GLTP: variants seen among roughly 807,000 people sequenced by gnomAD.
The protein encoded by GLTP is glycolipid transfer protein.
GLTP carries 22 observed loss-of-function variants against 24.0 expected under a neutral mutation model. That is an observed-to-expected ratio of 0.92 (90% CI 0.65 to 1.31). The LOEUF (loss-of-function observed/expected upper bound fraction) is 1.31. Among genes scored for constraint, GLTP ranks in the 50% most tolerant of loss-of-function variants. The pLI is 0.00. For missense variants in GLTP, 224 were observed against 276.6 expected, an observed-to-expected ratio of 0.81 and a Z score of 1.35; for synonymous variants, 92 against 115.9, an observed-to-expected ratio of 0.79 and a Z score of 1.33.
intron 1 of GLTP, among the ~76,000 whole-genome samples, chr12:109,866,871 C>G (rs1034747127): frequency 2.6e-5 from 4 of 151,208 alleles, no homozygotes; most frequent in South Asian, 2.1e-4. Flanking sequence ...GCAATCCTCC[C>G]ACCTCAGCCT....
rs1892807576 is a variant in GLTP at position 109,857,143 on chromosome 12, T to A, written c.296+383A>T. On this transcript the variant is annotated intron_variant, in intron 3 of 4. Transcript: ENST00000318348. The surrounding 1 kb of genome is among the most constrained non-coding windows in gnomAD (Gnocchi z 4.3). ...TGACCAGCCCTAAACAGGACACCTT[T>A]GTGCAGTACGCAACCTGCATAACTG... Among the ~76,000 whole-genome samples the A allele has an allele frequency of 6.6e-6, 1 of 152,234 alleles. No homozygotes were observed. The highest frequency in any genetic ancestry group is 6.5e-5 in the Admixed American group (1 of 15,282).
chr12:109,869,958 T>G (rs966956189), intron 1 of GLTP, among the ~76,000 whole-genome samples: 1 of 151,638 alleles, frequency 6.6e-6, no homozygotes. Context: ...GGTTTCACCA[T>G]ATCTCGAACT....
At chr12:109,854,098 C>T (rs760424331) in intron 4 of GLTP, among the ~76,000 whole-genome samples, 199 of 151,374 alleles carry the variant, frequency 1.3e-3, no homozygotes, top group Non-Finnish European at 2.2e-3. Flanking sequence ...TGGCTCACGC[C>T]TGTAATCCCA....
At chr12:109,874,579 T>C (rs1868826119) in intron 1 of GLTP, among the ~76,000 whole-genome samples, 1 of 151,962 alleles carries the variant, frequency 6.6e-6, no homozygotes, top group Non-Finnish European at 1.5e-5. Flanking sequence ...TGAGAGCAAA[T>C]AGGTATCATC....
At chr12:109,858,612 T>A in intron 2 of GLTP, 71 bp downstream of exon 2, 1 of 1,098,886 alleles carries the variant, frequency 9.1e-7, no homozygotes, top group Admixed American at 1.7e-5. Flanking sequence ...GGGACCATGA[T>A]GCTGGTAACC....
At position 109,857,559 on chromosome 12, in the gene GLTP, A is replaced by C; in HGVS notation, c.263T>G (p.Val88Gly). ...KEMYGAEWPKVGATLALMWLK... is the reference protein window; with the variant it reads ...KEMYGAEWPKGGATLALMWLK... Reference sequence around the variant, plus strand: ...CCACATCAGCGCCAGTGTGGCCCCTACTTTGGGCCACTCTGCTCCATACAT... The same window carrying C: ...CCACATCAGCGCCAGTGTGGCCCCTCCTTTGGGCCACTCTGCTCCATACAT... Residue 88 changes from valine to glycine, a missense_variant, in exon 3 of 5, where the codon GTA becomes GGA. Val to Gly is a moderately radical substitution (Grantham distance 109). Coordinates refer to ENST00000318348, the MANE Select transcript of GLTP (RefSeq NM_016433.4). This position sits in a 1 kb window ranked among gnomAD's most constrained non-coding sequence, Gnocchi z 4.3. The C allele has an allele frequency of 6.2e-7, 1 of 1,613,780 alleles. No homozygotes were observed. Among genetic ancestry groups the C allele is most frequent in the Non-Finnish European group, 8.5e-7 (1 of 1,180,002 alleles).
intron 1 of GLTP, among the ~76,000 whole-genome samples, chr12:109,864,885 G>A (rs1309134541): frequency 6.6e-6 from 1 of 151,956 alleles, no homozygotes; most frequent in African/African-American, 2.4e-5. Flanking sequence ...GTCTCACTCC[G>A]TTGCCCAGGC....
chr12:109,860,003 C>CGAA (rs57177275), intron 1 of GLTP: 3 of 151,230 alleles, frequency 2.0e-5, no homozygotes, highest in African/African-American at 7.3e-5. Context: ...TTCCCCGAGA[C>CGAA]TTTTTGCTCC....
At chr12:109,860,543 T>G (rs1032507986) in intron 1 of GLTP, 1 of 150,822 alleles carries the variant, frequency 6.6e-6, no homozygotes, top group Non-Finnish European at 1.5e-5. Flanking sequence ...AGTGGCAAGA[T>G]CACAGCTCAC....
chr12:109,876,519 AGG>A (rs1868884384), intron 1 of GLTP, among the ~76,000 whole-genome samples: 1 of 147,944 alleles, frequency 6.8e-6, no homozygotes, highest in Admixed American at 6.8e-5. Flanking sequence ...AGAAAGAAAG[AGG>A]GAGGGAGGGA....
At chr12:109,870,651 G>A (rs1868691954) in intron 1 of GLTP, among the ~76,000 whole-genome samples, 1 of 152,114 alleles carries the variant, frequency 6.6e-6, no homozygotes, top group Non-Finnish European at 1.5e-5. Context: ...AAGGAAGGGA[G>A]GAGGGAGAAA....
intron 1 of GLTP, among the ~76,000 whole-genome samples, chr12:109,870,669 A>G (rs1415432948): frequency 2.0e-5 from 3 of 152,178 alleles, no homozygotes; most frequent in Non-Finnish European, 4.4e-5. Context: ...AAAAAGAATT[A>G]TTGACTCATT....
At chr12:109,860,733 A>T (rs1339013401) in intron 1 of GLTP, among the ~76,000 whole-genome samples, 1 of 152,196 alleles carries the variant, frequency 6.6e-6, no homozygotes, top group African/African-American at 2.4e-5. Context: ...AGATGATAAA[A>T]TGTAGACCTG....
At position 109,855,181 on chromosome 12, in the gene GLTP, A is replaced by G. The variant is rs535049667; in HGVS notation, c.447+438T>C. ...CCCTGGCCAATGTCACCCCAACACAAGCCACCAAGAACCCAGAGGGCCGGT... is the reference window on the plus strand; with the variant it reads ...CCCTGGCCAATGTCACCCCAACACAGGCCACCAAGAACCCAGAGGGCCGGT... On this transcript the variant is annotated intron_variant, in intron 4 of 4. Transcript: ENST00000318348. The surrounding 1 kb of genome is among the most constrained non-coding windows in gnomAD (Gnocchi z 4.1). Among the ~76,000 whole-genome samples the G allele has an allele frequency of 3.3e-5, 5 of 152,268 alleles. No homozygotes were observed. The South Asian group carries it at 6.2e-4, about 19-fold the overall frequency.
At position 109,858,707 on chromosome 12, in the gene GLTP, C is replaced by T. The variant is rs745444476; in HGVS notation, c.138G>A (p.Lys46=). 2.5e-6 allele frequency: 4 copies of T among 1,613,302 alleles called. No individual in the cohort carries two copies. The highest frequency in any genetic ancestry group is 3.3e-5 in the Admixed American group (2 of 60,022). Residue 46 remains lysine (K), a synonymous_variant, in exon 2 of 5, where the codon AAG becomes AAA. Transcript: ENST00000318348. ...CLGSPVFTPI[K]ADISGNITKI... is the part of the protein sequence containing the mutation. ...CCGTGATGTTGCCGCTTATGTCTGCCTTGATGGGAGTAAACACTGGGGACC... is the reference window on the plus strand; with the variant it reads ...CCGTGATGTTGCCGCTTATGTCTGCTTTGATGGGAGTAAACACTGGGGACC...
At chr12:109,870,664 G>T (rs1868692653) in intron 1 of GLTP, among the ~76,000 whole-genome samples, 1 of 152,102 alleles carries the variant, frequency 6.6e-6, no homozygotes, top group Non-Finnish European at 1.5e-5. Flanking sequence ...GGGAGAAAAA[G>T]AATTATTGAC....
intron 3 of GLTP, among the ~76,000 whole-genome samples, chr12:109,856,352 C>T (rs1433808664): frequency 2.0e-5 from 3 of 152,184 alleles, no homozygotes; most frequent in African/African-American, 7.2e-5. Context: ...CCAGGAGAAG[C>T]GGATGGGGTA....
At chr12:109,874,926 A>AT (rs911026939) in intron 1 of GLTP, among the ~76,000 whole-genome samples, 7 of 151,554 alleles carry the variant, frequency 4.6e-5, no homozygotes, top group Admixed American at 2.6e-4. Flanking sequence ...TGCCCGACCA[A>AT]TTTTTTTTGT....
chr12:109,869,071 G>A (rs759146274), intron 1 of GLTP, among the ~76,000 whole-genome samples: 8 of 152,072 alleles, frequency 5.3e-5, no homozygotes, highest in African/African-American at 1.2e-4. Flanking sequence ...AGGCCAAGGC[G>A]GGTGGATCAC....
Sources: allele counts gnomAD v4.1 joint callset (sites outside exome capture counted in the v4.1 genomes callset), GRCh38; gene constraint gnomAD v4.1.1; non-coding constraint Gnocchi (gnomAD v3.1); transcripts MANE v1.5; gene names NCBI Gene and HGNC (gene_info 2026-07-23, HGNC 2026-07-21).